DOCK9: variants seen among roughly 807,000 people sequenced by gnomAD.
DOCK9 encodes the protein dedicator of cytokinesis protein 9.
DOCK9 carries 89 observed loss-of-function variants against 263.3 expected under a neutral mutation model. The observed-to-expected ratio is 0.34, with a 90% CI of 0.28 to 0.40. The LOEUF is 0.40. DOCK9 is among the 10% of genes least tolerant of loss of function. The pLI is 1.00. For synonymous variants in DOCK9, 976 were observed against 973.1 expected, an observed-to-expected ratio of 1.00 and a Z score of -0.06; for missense variants, 2,140 against 2,603.4, an observed-to-expected ratio of 0.82 and a Z score of 3.87.
chr13:99,081,793 G>A (rs990390706), intron 1 of DOCK9, among the ~76,000 whole-genome samples: 3 of 152,200 alleles, frequency 2.0e-5, no homozygotes, highest in Non-Finnish European at 4.4e-5. Context: ...CTGAGTTCGC[G>A]TACGTTTTGA....
chr13:99,018,034 ATAAAAG>A (rs1391377505), intron 1 of DOCK9, among the ~76,000 whole-genome samples: 1 of 152,258 alleles, frequency 6.6e-6, no homozygotes, highest in Non-Finnish European at 1.5e-5. Context: ...AAAAAGATAA[ATAAAAG>A]TAAAAGCTAA....
At chr13:99,013,628 G>A (rs528793353) in intron 1 of DOCK9, among the ~76,000 whole-genome samples, 13 of 152,258 alleles carry the variant, frequency 8.5e-5, no homozygotes, top group Admixed American at 1.3e-4. Flanking sequence ...CAAAGGCCAC[G>A]CAATGAATGG....
intron 9 of DOCK9, among the ~76,000 whole-genome samples, chr13:98,914,125 T>C (rs1402784836): frequency 1.3e-5 from 2 of 152,204 alleles, no homozygotes; most frequent in Non-Finnish European, 2.9e-5. Flanking sequence ...AAAAGGAGAA[T>C]GCTTTGTAGG....
intron 3 of DOCK9, among the ~76,000 whole-genome samples, chr13:98,927,748 G>C (rs1453343874): frequency 6.6e-6 from 1 of 151,838 alleles, no homozygotes; most frequent in Non-Finnish European, 1.5e-5. Flanking sequence ...AGCCTCCCGA[G>C]TAGCTGGGAT....
chr13:98,802,269 A>C (rs1055168737), intron 49 of DOCK9, among the ~76,000 whole-genome samples: 2 of 152,248 alleles, frequency 1.3e-5, no homozygotes, highest in African/African-American at 4.8e-5. Context: ...TGCCAGCTGC[A>C]CAGGCCCACA....
chr13:99,011,825 T>C (rs969757437), intron 1 of DOCK9, among the ~76,000 whole-genome samples: 3 of 152,008 alleles, frequency 2.0e-5, no homozygotes, highest in South Asian at 2.1e-4. Context: ...TCTTTTTTTG[T>C]TTATTTGTTT....
At chr13:98,952,387 C>A (rs1040581250) in intron 2 of DOCK9, among the ~76,000 whole-genome samples, 3 of 151,996 alleles carry the variant, frequency 2.0e-5, no homozygotes, top group Non-Finnish European at 2.9e-5. Context: ...AGGCATGCAC[C>A]ACCATGCCTG....
In DOCK9 at chr13:98,883,031, C is replaced by A. The variant is rs1429818324; in HGVS notation, c.2559+11G>T. ...CACTTAAAAGGGGATACTAAGAAAG[C>A]CATGTGATACCTTAAGGTACTTTAC... On this transcript the variant is annotated intron_variant, in intron 23 of 52. Transcript: ENST00000682017. 13 of 1,608,462 alleles carry A rather than the reference C, an allele frequency of 8.1e-6. No individual in the cohort carries two copies. The highest frequency in any genetic ancestry group is 1.1e-5 in the Non-Finnish European group (13 of 1,177,750).
At chr13:98,831,303 G>A in intron 41 of DOCK9, 45 bp downstream of exon 41, 1 of 1,542,530 alleles carries the variant, frequency 6.5e-7, no homozygotes, top group Non-Finnish European at 8.8e-7. Flanking sequence ...GATACAGCAG[G>A]ATTCTACAGA....
At chr13:98,917,104 G>A (rs1293090501) in intron 7 of DOCK9, among the ~76,000 whole-genome samples, 1 of 152,154 alleles carries the variant, frequency 6.6e-6, no homozygotes, top group Non-Finnish European at 1.5e-5. Flanking sequence ...CAATTTGAAG[G>A]AAGAGACTTC....
intron 7 of DOCK9, among the ~76,000 whole-genome samples, chr13:98,920,041 A>G (rs1290889560): frequency 6.6e-6 from 1 of 152,184 alleles, no homozygotes; most frequent in African/African-American, 2.4e-5. Context: ...GGATGGATGG[A>G]TGGATGGATG....
chr13:99,045,365 G>C (rs1470518888), intron 1 of DOCK9, among the ~76,000 whole-genome samples: 6 of 152,146 alleles, frequency 3.9e-5, no homozygotes, highest in Non-Finnish European at 7.3e-5. Context: ...GCAACAACAT[G>C]AACATAGAGG....
chr13:98,986,376 C>T (rs2390131), intron 1 of DOCK9, among the ~76,000 whole-genome samples: 50,856 of 152,108 alleles, frequency 0.33, 8,924 homozygotes, highest in African/African-American at 0.45. Flanking sequence ...GACAGGCCGC[C>T]AGGCCAACTC....
chr13:98,969,258 A>G (rs2059490251), intron 1 of DOCK9, among the ~76,000 whole-genome samples: 4 of 152,212 alleles, frequency 2.6e-5, no homozygotes, highest in Admixed American at 2.6e-4. Context: ...TAAGTCCAGC[A>G]TGTTCCTCTA....
chr13:98,928,210 T>C (rs1414640626), intron 3 of DOCK9, among the ~76,000 whole-genome samples: 1 of 152,144 alleles, frequency 6.6e-6, no homozygotes, highest in African/African-American at 2.4e-5. Context: ...GAAAGCCAGA[T>C]CCTGAGAACT....
intron 1 of DOCK9, among the ~76,000 whole-genome samples, chr13:99,050,822 C>T (rs1046611413): frequency 2.6e-5 from 4 of 152,218 alleles, no homozygotes; most frequent in African/African-American, 7.2e-5. Context: ...TGTCGTTGCT[C>T]TAAAACCAGC....
intron 23 of DOCK9, 102 bp downstream of exon 23, chr13:98,882,940 G>A: frequency 2.2e-6 from 2 of 923,726 alleles, no homozygotes; most frequent in South Asian, 3.5e-5. Flanking sequence ...AGACATCCAG[G>A]TAAGAGCTTC....
At chr13:98,992,050 G>A (rs1258419630) in intron 1 of DOCK9, among the ~76,000 whole-genome samples, 9 of 151,694 alleles carry the variant, frequency 5.9e-5, no homozygotes, top group Admixed American at 3.9e-4. Context: ...TGGTGAGATC[G>A]TGTCACACAT....
At chr13:98,911,022 C>A (rs1235652199) in intron 9 of DOCK9, among the ~76,000 whole-genome samples, 1 of 152,130 alleles carries the variant, frequency 6.6e-6, no homozygotes, top group Non-Finnish European at 1.5e-5. Flanking sequence ...GCCAAAACTG[C>A]ATTTTTGCTC....
Sources: allele counts gnomAD v4.1 joint callset (sites outside exome capture counted in the v4.1 genomes callset), GRCh38; gene constraint gnomAD v4.1.1; transcripts MANE v1.5; gene names NCBI Gene and HGNC (gene_info 2026-07-23, HGNC 2026-07-21).